ZMYM5: variants seen among roughly 807,000 people sequenced by gnomAD.
ZMYM5 encodes zinc finger MYM-type containing 5.
Under a neutral mutation model 61.8 loss-of-function variants are expected in ZMYM5, and 41 were observed. The ratio of observed to expected loss-of-function variants is 0.66; its 90% CI spans 0.52 to 0.86. The LOEUF (loss-of-function observed/expected upper bound fraction) is 0.86, where lower values mean the gene tolerates loss of function less well. ZMYM5 is among the 40% of genes least tolerant of loss of function. The pLI, the probability that ZMYM5 is intolerant of heterozygous loss-of-function variation, is 0.00. For synonymous variants in ZMYM5, 257 were observed against 276.4 expected (o/e 0.93, Z 0.70); for missense variants, 706 against 786.7 (o/e 0.90, Z 1.23).
intron 7 of ZMYM5, among the ~76,000 whole-genome samples, chr13:19,834,152 G>C (rs926053029): frequency 6.6e-6 from 1 of 151,648 alleles, no homozygotes; most frequent in Non-Finnish European, 1.5e-5. Flanking sequence ...TATTTTTTTT[G>C]TATTTAGTAG....
chr13:19,840,994 C>CT (rs377117105), intron 4 of ZMYM5, among the ~76,000 whole-genome samples: 90,772 of 136,546 alleles, frequency 0.66, 32,524 homozygotes, highest in East Asian at 0.88. Context: ...CCACTTTTTA[C>CT]TTTTTTTTTT....
At chr13:19,836,021 A>AC (rs1394109081) in intron 6 of ZMYM5, among the ~76,000 whole-genome samples, 2 of 152,108 alleles carry the variant, frequency 1.3e-5, no homozygotes, top group Non-Finnish European at 2.9e-5. Flanking sequence ...ACGGGGTTTC[A>AC]CCACGTTGGC....
rs749989028 is a variant in ZMYM5 at position 19,824,542 on chromosome 13, C to T, written c.1945G>A (p.Asp649Asn). The part of the protein sequence containing the change: ...KSDLKKNKAI[D>N]AAEHRLYENE... ...TCATATAATCTGTGTTCTGCAGCATCAATAGCTTTATTTTTTTTCAGATCA... is the reference window on the plus strand; with the variant it reads ...TCATATAATCTGTGTTCTGCAGCATTAATAGCTTTATTTTTTTTCAGATCA... Residue 649 changes from aspartate to asparagine, a missense_variant, in exon 8 of 8, where the codon GAT (aspartate) becomes AAT (asparagine). Asp to Asn is a conservative substitution (Grantham distance 23). Around this residue, in one of 2 missense-constraint regions of ZMYM5, gnomAD observed 226 missense variants for 325.0 expected, o/e 0.70. Transcript: ENST00000337963. 8.3e-6 allele frequency: 11 copies of T among 1,332,518 alleles called. No homozygotes were observed. In the South Asian group the frequency reaches 1.1e-4, roughly 14 times the overall value. The allele number at this position is 1,332,518 out of a possible 1,614,324, so 82.5% of individuals were successfully genotyped here. A position where few individuals can be genotyped will look rare whatever the true frequency, so the allele number is the denominator to read the frequency against.
intron 5 of ZMYM5, among the ~76,000 whole-genome samples, chr13:19,838,083 A>G (rs1049146681): frequency 2.0e-5 from 3 of 152,194 alleles, no homozygotes; most frequent in Admixed American, 2.0e-4. Context: ...GCATTCAAAA[A>G]TGCTGGTAAT....
At chr13:19,861,232 T>C (rs1953749034) in intron 2 of ZMYM5, among the ~76,000 whole-genome samples, 2 of 152,130 alleles carry the variant, frequency 1.3e-5, no homozygotes, top group African/African-American at 4.8e-5. Flanking sequence ...CACTGCAGCT[T>C]CAACCTCCTG....
intron 4 of ZMYM5, among the ~76,000 whole-genome samples, chr13:19,846,728 C>A (rs887928107): frequency 1.3e-5 from 2 of 151,512 alleles, no homozygotes; most frequent in African/African-American, 4.9e-5. Flanking sequence ...AACTAATAGA[C>A]CAGTCTGTAC....
At chr13:19,860,626 C>T (rs1386505262) in intron 2 of ZMYM5, among the ~76,000 whole-genome samples, 1 of 151,360 alleles carries the variant, frequency 6.6e-6, no homozygotes, top group Admixed American at 6.6e-5. Context: ...TTAGTAGAGA[C>T]GGGGTTTCAC....
In ZMYM5 at chr13:19,824,820, C is replaced by A; in HGVS notation, c.1667G>T (p.Gly556Val). ...RNFNFPKDNT[G>V]RKFSETYYTR... ...ATAATAAGTTTCTGAAAACTTCCTC[C>A]CTGTATTATCTTTTGGAAAGTTAAA... Residue 556 changes from glycine (G) to valine (V), a missense_variant, in exon 8 of 8, where the codon GGG (glycine) becomes GTG (valine). Around this residue, in one of 2 missense-constraint regions of ZMYM5, gnomAD observed 226 missense variants for 325.0 expected, o/e 0.70. Coordinates refer to ENST00000337963, the MANE Select transcript of ZMYM5 (RefSeq NM_001142684.2). 1 of 1,351,452 alleles carries A rather than the reference C, an allele frequency of 7.4e-7. No homozygotes were observed. Among genetic ancestry groups the A allele is most frequent in the Non-Finnish European group, 9.9e-7 (1 of 1,012,722 alleles). The allele number at this position is 1,351,452 out of a possible 1,614,324, so 83.7% of individuals were successfully genotyped here.
In ZMYM5 at chr13:19,852,015, C is replaced by T. The variant is rs1417037330; in HGVS notation, c.166G>A (p.Asp56Asn). Residue 56 changes from aspartate to asparagine, a missense_variant, in exon 3 of 8, where the codon GAT becomes AAT. Physicochemically the swap from Asp to Asn is conservative, Grantham distance 23. This residue lies in a region of ZMYM5 where 480 missense variants were observed against 461.7 expected (regional missense o/e 1.04). Transcript: ENST00000337963. The part of the protein sequence containing the change: ...SRNSPVEDDD[D>N]DDDVVFIESI... The stretch of plus-strand genomic sequence containing the variant: ...TCAATAAACACAACATCATCATCAT[C>T]ATCATCATCTTCCACTGGTGAGTTC... 6.2e-7 allele frequency: 1 copy of T among 1,613,946 alleles called. No individual in the cohort carries two copies. Among genetic ancestry groups the T allele is most frequent in the Non-Finnish European group, 8.5e-7 (1 of 1,179,998 alleles).
intron 4 of ZMYM5, among the ~76,000 whole-genome samples, chr13:19,851,006 C>T (rs1038185165): frequency 3.3e-5 from 5 of 152,004 alleles, no homozygotes; most frequent in African/African-American, 9.7e-5. Context: ...GTTAGGAGTT[C>T]GAGATCAGCT....
chr13:19,835,802 G>A, intron 6 of ZMYM5, 113 bp from the exon 7 acceptor site: 1 of 732,190 alleles, frequency 1.4e-6, no homozygotes, highest in Non-Finnish European at 2.0e-6. Flanking sequence ...TCATATCTCA[G>A]AGGAAGATAT....
At chr13:19,854,621 T>G (rs1339398925) in intron 2 of ZMYM5, among the ~76,000 whole-genome samples, 1 of 93,320 alleles carries the variant, frequency 1.1e-5, no homozygotes. Context: ...CAATAAGACT[T>G]CGTCTCAAAA....
intron 2 of ZMYM5, among the ~76,000 whole-genome samples, chr13:19,861,152 T>C (rs1235989879): frequency 6.6e-6 from 1 of 151,832 alleles, no homozygotes; most frequent in East Asian, 1.9e-4. Context: ...CAGAGCCACT[T>C]TACCCATTTT....
chr13:19,829,451 C>T (rs1440507500), intron 7 of ZMYM5, among the ~76,000 whole-genome samples: 1 of 152,030 alleles, frequency 6.6e-6, no homozygotes, highest in Admixed American at 6.6e-5. Flanking sequence ...GCCACGCCAG[C>T]TAATTTTTAA....
At chr13:19,850,696 TATAA>T (rs1475973364) in intron 4 of ZMYM5, among the ~76,000 whole-genome samples, 1 of 152,124 alleles carries the variant, frequency 6.6e-6, no homozygotes, top group Non-Finnish European at 1.5e-5. Flanking sequence ...TTTAAATAAT[TATAA>T]ATAAAATAAA....
chr13:19,825,958 C>T (rs759427439), intron 7 of ZMYM5, among the ~76,000 whole-genome samples: 5 of 151,166 alleles, frequency 3.3e-5, no homozygotes, highest in African/African-American at 7.3e-5. Flanking sequence ...CACAAGAGAC[C>T]TCACTTGAAC....
chr13:19,842,744 G>T (rs952482907), intron 4 of ZMYM5, among the ~76,000 whole-genome samples: 4 of 151,264 alleles, frequency 2.6e-5, no homozygotes, highest in African/African-American at 4.9e-5. Context: ...CAGATCACCT[G>T]AGGTCAGGAG....
chr13:19,860,801 A>G (rs549295284), intron 2 of ZMYM5, among the ~76,000 whole-genome samples: 5 of 152,028 alleles, frequency 3.3e-5, no homozygotes, highest in African/African-American at 1.2e-4. Context: ...GGAAAAATTC[A>G]GCAATAAGAA....
At chr13:19,826,690 G>C (rs1256916754) in intron 7 of ZMYM5, among the ~76,000 whole-genome samples, 1 of 151,564 alleles carries the variant, frequency 6.6e-6, no homozygotes, top group Non-Finnish European at 1.5e-5. Context: ...GGAGACAGAG[G>C]TTGCAGTGAG....
Sources: allele counts gnomAD v4.1 joint callset (sites outside exome capture counted in the v4.1 genomes callset), GRCh38; gene constraint gnomAD v4.1.1; regional missense constraint gnomAD v4.1.1; transcripts MANE v1.5; gene names NCBI Gene and HGNC (gene_info 2026-07-23, HGNC 2026-07-21).